The following SLC43A3 variants were observed in gnomAD, a reference collection of about 807,000 sequenced individuals.
SLC43A3 encodes solute carrier family 43 member 3.
Under a neutral mutation model 53.3 loss-of-function variants are expected in SLC43A3, and 33 were observed. The ratio of observed to expected loss-of-function variants is 0.62; its 90% CI spans 0.47 to 0.83. The LOEUF is 0.83. Among genes scored for constraint, SLC43A3 ranks in the 40% least tolerant of loss-of-function variants. SLC43A3 has a pLI of 0.00. For missense variants in SLC43A3, 530 were observed against 610.0 expected (o/e 0.87, Z 1.38); for synonymous variants, 236 against 246.2 (o/e 0.96, Z 0.39).
At chr11:57,413,791 G>A (rs1009803003) in intron 11 of SLC43A3, among the ~76,000 whole-genome samples, 11 of 152,042 alleles carry the variant, frequency 7.2e-5, no homozygotes, top group African/African-American at 2.4e-4. Context: ...TAGCCAGCCC[G>A]ACTCATCTGC....
chr11:57,410,647 C>T (rs976883088), intron 11 of SLC43A3, among the ~76,000 whole-genome samples: 1 of 151,108 alleles, frequency 6.6e-6, no homozygotes, highest in African/African-American at 2.4e-5. Flanking sequence ...AAAAAAAAAA[C>T]TCTGCAGAAT....
intron 7 of SLC43A3, among the ~76,000 whole-genome samples, chr11:57,419,788 T>A (rs550959468): frequency 6.2e-5 from 7 of 112,250 alleles, no homozygotes; most frequent in Admixed American, 1.1e-4. Flanking sequence ...AAAGTGAGAC[T>A]CCAACTCAAT....
At chr11:57,415,576 G>T (rs539671982) in intron 9 of SLC43A3, among the ~76,000 whole-genome samples, 1 of 152,128 alleles carries the variant, frequency 6.6e-6, no homozygotes, top group South Asian at 2.1e-4. Flanking sequence ...GGTCCAGATG[G>T]GACCATGAAT....
intron 7 of SLC43A3, 78 bp downstream of exon 7, chr11:57,420,894 G>T: frequency 1.0e-6 from 1 of 981,050 alleles, no homozygotes; most frequent in Non-Finnish European, 1.6e-6. Context: ...AGTTGATGGA[G>T]ACAAATAATG....
intron 11 of SLC43A3, 108 bp downstream of exon 11, chr11:57,414,507 A>C (rs948414513): frequency 2.2e-3 from 18 of 8,230 alleles, no homozygotes; most frequent in East Asian, 2.2e-3. Flanking sequence ...ACTCTATCAC[A>C]AAAAAAAAAA....
At chr11:57,424,806 G>C (rs1370497173) in intron 4 of SLC43A3, among the ~76,000 whole-genome samples, 2 of 152,072 alleles carry the variant, frequency 1.3e-5, no homozygotes, top group African/African-American at 4.8e-5. Context: ...CAGCCCTCCC[G>C]TCTCTCTCTC....
In SLC43A3 at chr11:57,407,654, G is replaced by A. The variant is rs762269160; in HGVS notation, c.*138C>T. 6.8e-5 allele frequency: 40 copies of A among 590,390 alleles called. No homozygotes were observed. Among genetic ancestry groups the A allele is most frequent in the Non-Finnish European group, 1.0e-4 (33 of 324,886 alleles). 36.6% of individuals were successfully genotyped at this position (590,390 alleles called of 1,614,324 possible). A position where few individuals can be genotyped will look rare whatever the true frequency, so the allele number is the denominator to read the frequency against. On this transcript the variant is annotated 3_prime_UTR_variant, in exon 14 of 14. Coordinates refer to ENST00000395124, the MANE Select transcript of SLC43A3 (RefSeq NM_199329.3). ...TTTCTTGCTGCGCAGACGTCCTTGT[G>A]TGTCTTTATTTTGTGTGTGTGTGTG...
intron 4 of SLC43A3, 169 bp from the exon 5 acceptor site, chr11:57,424,197 G>C: frequency 1.5e-6 from 1 of 670,046 alleles, no homozygotes; most frequent in Non-Finnish European, 2.7e-6. Context: ...CCAGGCGCAA[G>C]AAGCCGCGAT....
intron 5 of SLC43A3, 89 bp from the exon 6 acceptor site, chr11:57,421,462 C>T (rs1230885540): frequency 3.1e-6 from 3 of 953,858 alleles, no homozygotes; most frequent in Middle Eastern, 4.2e-4. Context: ...TCCAAATTCC[C>T]AACAATCCTG....
chr11:57,427,225 T>G (rs1445923978), upstream of SLC43A3: 1 of 152,770 alleles, frequency 6.5e-6, no homozygotes, highest in African/African-American at 2.4e-5. Flanking sequence ...CCTTCTTCTT[T>G]TCCCTTGCTC....
intron 7 of SLC43A3, among the ~76,000 whole-genome samples, chr11:57,420,348 G>A (rs1293449052): frequency 6.6e-6 from 1 of 152,184 alleles, no homozygotes; most frequent in East Asian, 1.9e-4. Flanking sequence ...ATCATATGCT[G>A]ACCTCCACCT....
At chr11:57,418,273 G>T (rs1485727695) in intron 7 of SLC43A3, among the ~76,000 whole-genome samples, 5 of 151,994 alleles carry the variant, frequency 3.3e-5, no homozygotes, top group Non-Finnish European at 7.4e-5. Context: ...GTTTGAGGCT[G>T]CAGTGAGTCA....
At chr11:57,419,121 C>T (rs1445757224) in intron 7 of SLC43A3, among the ~76,000 whole-genome samples, 1 of 152,094 alleles carries the variant, frequency 6.6e-6, no homozygotes, top group African/African-American at 2.4e-5. Flanking sequence ...TCCCCACAGC[C>T]GGTGGAGCCT....
In SLC43A3 at chr11:57,426,098, G is replaced by A. The variant is rs764037397; in HGVS notation, c.75C>T (p.Gly25=). The change falls in exon 3 of 14, where the codon GGC becomes GGT. Residue 25 remains glycine (G), a synonymous_variant. Coordinates refer to ENST00000395124, the MANE Select transcript of SLC43A3 (RefSeq NM_199329.3). Reference sequence around the variant, plus strand: ...CTAGTGAAGGCCAGCCAAAGAGGACGCCAGCAAAGCCCAGGCATTCCAGCA... The same window carrying A: ...CTAGTGAAGGCCAGCCAAAGAGGACACCAGCAAAGCCCAGGCATTCCAGCA... ...TGLLECLGFA[G]VLFGWPSLVF... The A allele has an allele frequency of 3.1e-6, 5 of 1,614,238 alleles. No homozygotes were observed. The highest frequency in any genetic ancestry group is 2.2e-5 in the South Asian group (2 of 91,088).
intron 5 of SLC43A3, among the ~76,000 whole-genome samples, chr11:57,422,421 A>C (rs1035614484): frequency 6.6e-6 from 1 of 152,334 alleles, no homozygotes; most frequent in East Asian, 1.9e-4. Flanking sequence ...GGACTGAAAG[A>C]GAAATAAAAA....
chr11:57,417,831 G>A lies in SLC43A3; in HGVS notation c.588C>T (p.Cys196=). 6.2e-7 allele frequency: 1 copy of A among 1,614,184 alleles called. No individual in the cohort carries two copies. Among genetic ancestry groups the A allele is most frequent in the Non-Finnish European group, 8.5e-7 (1 of 1,180,024 alleles). ...LRASFIFISV[C]STWHVARTFL... ...AAGTGCGTGCTACATGCCAGGTACT[G>A]CAGACAGAGATGAAGATGAAGGAGG... The change falls in exon 8 of 14, where the codon TGC becomes TGT. Residue 196 remains cysteine, a synonymous_variant. Coordinates refer to ENST00000395124, the MANE Select transcript of SLC43A3 (RefSeq NM_199329.3).
chr11:57,409,810 C>T, intron 12 of SLC43A3, 125 bp downstream of exon 12: 1 of 874,790 alleles, frequency 1.1e-6, no homozygotes, highest in East Asian at 2.7e-5. Flanking sequence ...CCACACCTGC[C>T]CCCAAACCCA....
chr11:57,421,643 C>T (rs1942993669), intron 5 of SLC43A3, among the ~76,000 whole-genome samples: 1 of 152,226 alleles, frequency 6.6e-6, no homozygotes, highest in African/African-American at 2.4e-5. Context: ...AGAGGCAGAG[C>T]TCTAAGTGAA....
chr11:57,418,300 C>T (rs930035070), intron 7 of SLC43A3, among the ~76,000 whole-genome samples: 2 of 151,538 alleles, frequency 1.3e-5, no homozygotes, highest in Non-Finnish European at 2.9e-5. Flanking sequence ...GGCCACTGCA[C>T]CCCAGCCTGG....
Sources: allele counts gnomAD v4.1 joint callset (sites outside exome capture counted in the v4.1 genomes callset), GRCh38; gene constraint gnomAD v4.1.1; transcripts MANE v1.5; gene names NCBI Gene and HGNC (gene_info 2026-07-23, HGNC 2026-07-21).